CHRM2: variants seen among roughly 807,000 people sequenced by gnomAD.
CHRM2 encodes muscarinic acetylcholine receptor M2.
Under a neutral mutation model 25.0 loss-of-function variants are expected in CHRM2, and 8 were observed. The ratio of observed to expected loss-of-function variants is 0.32; its 90% CI spans 0.19 to 0.58. The LOEUF (loss-of-function observed/expected upper bound fraction) is 0.58, where lower values mean the gene tolerates loss of function less well. Ranked by LOEUF, CHRM2 falls within the 20% of genes least tolerant of loss-of-function variation. The pLI, the probability that CHRM2 is intolerant of heterozygous loss-of-function variation, is 0.88. For synonymous variants in CHRM2, 202 were observed against 205.7 expected (o/e 0.98, Z 0.15); for missense variants, 440 against 567.1 (o/e 0.78, Z 2.28).
At chr7:136,985,782 T>C (rs1449282669) in intron 2 of CHRM2, among the ~76,000 whole-genome samples, 1 of 152,126 alleles carries the variant, frequency 6.6e-6, no homozygotes, top group African/African-American at 2.4e-5. Context: ...TATTAAGGTA[T>C]ATTTTCTGGG....
chr7:137,003,010 C>T (rs899653181), intron 3 of CHRM2, among the ~76,000 whole-genome samples: 1 of 152,090 alleles, frequency 6.6e-6, no homozygotes. Context: ...AGGGGGTCAA[C>T]AAATTTAAGC....
At chr7:136,978,666 G>T (rs530983549) in intron 2 of CHRM2, among the ~76,000 whole-genome samples, 1 of 152,170 alleles carries the variant, frequency 6.6e-6, no homozygotes, top group Non-Finnish European at 1.5e-5. Context: ...TGTTCTCATT[G>T]TTCAACTCCC....
chr7:136,999,774 T>C (rs989383345), intron 3 of CHRM2, among the ~76,000 whole-genome samples: 4 of 152,208 alleles, frequency 2.6e-5, no homozygotes, highest in African/African-American at 9.6e-5. Context: ...TGCTTCCCGA[T>C]ACTACATAAA....
intron 3 of CHRM2, among the ~76,000 whole-genome samples, chr7:137,008,947 C>G (rs1804628637): frequency 6.6e-6 from 1 of 151,962 alleles, no homozygotes. Context: ...GTCAGAGAGA[C>G]CTAAATTTGA....
At chr7:136,988,448 T>C (rs1451653143) in intron 2 of CHRM2, among the ~76,000 whole-genome samples, 7 of 152,304 alleles carry the variant, frequency 4.6e-5, no homozygotes, top group East Asian at 1.9e-4. Context: ...CTATATGTTA[T>C]GTGCTCTACA....
intron 2 of CHRM2, among the ~76,000 whole-genome samples, chr7:136,938,915 C>CAAAAAAAAAAAAAAA (rs56868385): frequency 4.5e-5 from 3 of 66,952 alleles, no homozygotes; most frequent in Non-Finnish European, 5.7e-5. Context: ...CTAGCTCTGC[C>CAAAAAAAAAAAAAAA]AAAAAAAAAA....
intron 2 of CHRM2, among the ~76,000 whole-genome samples, chr7:136,931,477 T>A (rs1249856449): frequency 6.6e-6 from 1 of 152,216 alleles, no homozygotes; most frequent in Non-Finnish European, 1.5e-5. Flanking sequence ...CTTTGGGTAC[T>A]GAGGAAGCCA....
At chr7:137,006,290 C>T (rs531556600) in intron 3 of CHRM2, among the ~76,000 whole-genome samples, 7 of 152,122 alleles carry the variant, frequency 4.6e-5, no homozygotes, top group South Asian at 2.1e-4. Flanking sequence ...ATTGTGTGAA[C>T]GAATTAATGA....
At chr7:136,930,964 T>A (rs1799067554) in intron 2 of CHRM2, among the ~76,000 whole-genome samples, 1 of 148,268 alleles carries the variant, frequency 6.7e-6, no homozygotes, top group Non-Finnish European at 1.5e-5. Flanking sequence ...ACCTCTTTGC[T>A]CTATCTGTAA....
chr7:136,935,409 C>A (rs946354277), intron 2 of CHRM2, among the ~76,000 whole-genome samples: 2 of 152,016 alleles, frequency 1.3e-5, no homozygotes, highest in African/African-American at 4.8e-5. Flanking sequence ...ATTAGACGAT[C>A]GTTTGAAATC....
At position 137,015,302 on chromosome 7, in the gene CHRM2, C is replaced by T; in HGVS notation, c.437C>T (p.Ala146Val). 6.2e-7 allele frequency: 1 copy of T among 1,613,274 alleles called. No individual in the cohort carries two copies. Among genetic ancestry groups the T allele is most frequent in the Non-Finnish European group, 8.5e-7 (1 of 1,179,618 alleles). The change falls in exon 4 of 4, where the codon GCT (alanine) becomes GTT (valine). Residue 146 changes from alanine to valine, a missense_variant. Transcript: ENST00000680005. The surrounding 1 kb of genome is among the most constrained non-coding windows in gnomAD (Gnocchi z 5.1). ...AAAATGGCAGGTATGATGATTGCAG[C>T]TGCCTGGGTCCTCTCTTTCATCCTC... Reference protein sequence around the residue: ...TTKMAGMMIAAAWVLSFILWA... With the variant: ...TTKMAGMMIAVAWVLSFILWA...
chr7:136,989,063 T>G (rs1329159046), intron 2 of CHRM2, among the ~76,000 whole-genome samples: 1 of 152,072 alleles, frequency 6.6e-6, no homozygotes, highest in African/African-American at 2.4e-5. Context: ...TTTAGAGGTT[T>G]TATAACTTGC....
At chr7:136,957,833 T>G (rs2130879315) in intron 2 of CHRM2, among the ~76,000 whole-genome samples, 1 of 152,354 alleles carries the variant, frequency 6.6e-6, no homozygotes, top group Admixed American at 6.5e-5. Flanking sequence ...ATAAAACTTT[T>G]TATTGAAGCC....
At chr7:136,997,391 G>C (rs1379650573) in intron 3 of CHRM2, among the ~76,000 whole-genome samples, 4 of 152,160 alleles carry the variant, frequency 2.6e-5, no homozygotes, top group African/African-American at 9.7e-5. Context: ...ATCAGGTAAA[G>C]TGGATGGCCC....
chr7:136,979,198 C>T (rs1325928441), intron 2 of CHRM2, among the ~76,000 whole-genome samples: 2 of 152,170 alleles, frequency 1.3e-5, no homozygotes, highest in Non-Finnish European at 2.9e-5. Context: ...TCTCTAATGA[C>T]ATGTGATGAT....
chr7:136,949,671 T>G (rs1481877335), intron 2 of CHRM2, among the ~76,000 whole-genome samples: 3 of 151,956 alleles, frequency 2.0e-5, no homozygotes, highest in Non-Finnish European at 4.4e-5. Context: ...TTGCTCTATA[T>G]GAGTCAAATA....
At chr7:136,995,190 A>G (rs965979196) in intron 3 of CHRM2, among the ~76,000 whole-genome samples, 1 of 152,122 alleles carries the variant, frequency 6.6e-6, no homozygotes, top group Non-Finnish European at 1.5e-5. Flanking sequence ...GTCTATGTGA[A>G]TTGTCTACAT....
At chr7:137,007,149 T>C (rs760510324) in intron 3 of CHRM2, among the ~76,000 whole-genome samples, 2 of 151,908 alleles carry the variant, frequency 1.3e-5, no homozygotes, top group Non-Finnish European at 2.9e-5. Flanking sequence ...TCCAGGGAGC[T>C]TTCTGTATTT....
rs1368430811 is a variant in CHRM2 at position 136,950,026 on chromosome 7, T to C, written c.-124-42161T>C. Reference sequence around the variant, plus strand: ...CTTTCCATCATCTGGTATTATAATATTTTGTTGTTATTGCCTCTCTAGTGG... The same window carrying C: ...CTTTCCATCATCTGGTATTATAATACTTTGTTGTTATTGCCTCTCTAGTGG... On this transcript the variant is annotated intron_variant, in intron 2 of 3. Transcript: ENST00000680005. Among the ~76,000 whole-genome samples the C allele has an allele frequency of 2.0e-5, 3 of 152,188 alleles. No homozygotes were observed. In the East Asian group the frequency reaches 5.8e-4, roughly 29 times the overall value.
Sources: allele counts gnomAD v4.1 joint callset (sites outside exome capture counted in the v4.1 genomes callset), GRCh38; gene constraint gnomAD v4.1.1; non-coding constraint Gnocchi (gnomAD v3.1); transcripts MANE v1.5; gene names NCBI Gene and HGNC (gene_info 2026-07-23, HGNC 2026-07-21).